SLIT2: variants seen among roughly 807,000 people sequenced by gnomAD.
SLIT2 encodes the protein slit guidance ligand 2, also known as slit homolog 2 protein.
In SLIT2, 41 loss-of-function variants were observed where a neutral mutation model predicts 185.7. The ratio of observed to expected loss-of-function variants is 0.22; its 90% CI spans 0.17 to 0.29. SLIT2 has a LOEUF of 0.29. Ranked by LOEUF, SLIT2 falls within the 10% of genes least tolerant of loss-of-function variation. SLIT2 has a pLI of 1.00. For synonymous variants in SLIT2, 693 were observed against 680.2 expected, an observed-to-expected ratio of 1.02 and a Z score of -0.29; for missense variants, 1,571 against 1,909.0, an observed-to-expected ratio of 0.82 and a Z score of 3.30.
At position 20,532,641 on chromosome 4, in the gene SLIT2, G is replaced by A. The variant is rs766435674; in HGVS notation, c.1688+583G>A. On this transcript the variant is annotated intron_variant, in intron 17 of 36. Transcript: ENST00000504154. ...GTCAATAGCATGGGACCAATGGAGC[G>A]CCCTCACACATGCAGAAACATCAGC... Among the ~76,000 whole-genome samples the A allele has an allele frequency of 9.2e-5, 14 of 152,106 alleles. No individual in the cohort carries two copies. In the South Asian group the frequency reaches 1.0e-3, roughly 11 times the overall value.
chr4:20,358,892 G>A, intron 4 of SLIT2, among the ~76,000 whole-genome samples: 1 of 152,094 alleles, frequency 6.6e-6, no homozygotes, highest in East Asian at 1.9e-4. Context: ...TTCACTGTGT[G>A]AAACAACAAC....
At chr4:20,365,269 T>C (rs1346917241) in intron 4 of SLIT2, among the ~76,000 whole-genome samples, 1 of 152,124 alleles carries the variant, frequency 6.6e-6, no homozygotes, top group Non-Finnish European at 1.5e-5. Context: ...ACAACCCTGC[T>C]GTTGGTGTTG....
At chr4:20,473,846 C>T (rs1715823318) in intron 5 of SLIT2, among the ~76,000 whole-genome samples, 1 of 151,990 alleles carries the variant, frequency 6.6e-6, no homozygotes, top group African/African-American at 2.4e-5. Flanking sequence ...TTTTACCAGG[C>T]AAATGCAAGA....
chr4:20,518,576 T>TATATATATATATAC (rs1720493386), intron 11 of SLIT2, among the ~76,000 whole-genome samples: 2 of 23,964 alleles, frequency 8.3e-5, no homozygotes, highest in Non-Finnish European at 1.5e-4. Context: ...TATATATATA[T>TATATATATATATAC]ATATATATAT....
chr4:20,449,119 A>G (rs1712175127), intron 4 of SLIT2, among the ~76,000 whole-genome samples: 1 of 152,124 alleles, frequency 6.6e-6, no homozygotes, highest in Non-Finnish European at 1.5e-5. Flanking sequence ...TACTACTACC[A>G]ATTAAAAACA....
chr4:20,484,546 G>A lies in SLIT2; in HGVS notation c.540-1654G>A, dbSNP rs1717021315. Among the ~76,000 whole-genome samples, 1 of 151,974 alleles carries A rather than the reference G, an allele frequency of 6.6e-6. No homozygotes were observed. Among genetic ancestry groups the A allele is most frequent in the South Asian group, 2.1e-4 (1 of 4,818 alleles). ...TAAAGAGGGTCCATGCATGATCTGG[G>A]TCTCTAGCTGACATGCCCTGTTTTA... On this transcript the variant is annotated intron_variant, in intron 6 of 36. Transcript: ENST00000504154. This position sits in a 1 kb window ranked among gnomAD's most constrained non-coding sequence, Gnocchi z 4.3.
At chr4:20,517,234 A>G (rs1354077618) in intron 11 of SLIT2, among the ~76,000 whole-genome samples, 2 of 152,190 alleles carry the variant, frequency 1.3e-5, no homozygotes, top group Non-Finnish European at 2.9e-5. Flanking sequence ...TCTCAGTCAT[A>G]TCAGTGCCTG....
At chr4:20,319,990 A>G (rs1436468313) in intron 4 of SLIT2, among the ~76,000 whole-genome samples, 2 of 152,068 alleles carry the variant, frequency 1.3e-5, no homozygotes, top group East Asian at 1.9e-4. Context: ...AGCTGTCCTG[A>G]TCCTCATCAG....
chr4:20,319,820 AAC>A, intron 4 of SLIT2, among the ~76,000 whole-genome samples: 1 of 151,870 alleles, frequency 6.6e-6, no homozygotes, highest in Admixed American at 6.6e-5. Flanking sequence ...ACAAAAAAAA[AAC>A]AAAAACCATA....
At chr4:20,423,487 T>A (rs1728317502) in intron 4 of SLIT2, among the ~76,000 whole-genome samples, 1 of 149,760 alleles carries the variant, frequency 6.7e-6, no homozygotes, top group African/African-American at 2.5e-5. Flanking sequence ...AATACAAAGT[T>A]TAACATGTTT....
In SLIT2 at chr4:20,332,966, G is replaced by A. The variant is rs1445487591; in HGVS notation, c.395+64085G>A. 2.6e-5 allele frequency among the ~76,000 whole-genome samples: 4 copies of A among 152,040 alleles called. No individual in the cohort carries two copies. The South Asian group carries it at 8.3e-4, about 32-fold the overall frequency. The stretch of plus-strand genomic sequence containing the variant: ...TATTATTTTCTATTTTTAAAAGAAA[G>A]GACATAATATTTTCTGCAGAAATAT... On this transcript the variant is annotated intron_variant, in intron 4 of 36. Transcript: ENST00000504154.
At chr4:20,535,519 A>G (rs1468384572) in intron 18 of SLIT2, among the ~76,000 whole-genome samples, 1 of 152,062 alleles carries the variant, frequency 6.6e-6, no homozygotes, top group Non-Finnish European at 1.5e-5. Flanking sequence ...GGAAGGCGGT[A>G]GGCTGTAACT....
At chr4:20,510,961 C>CT in intron 10 of SLIT2, 105 bp from the exon 11 acceptor site, 5 of 680,506 alleles carry the variant, frequency 7.3e-6, no homozygotes, top group Non-Finnish European at 1.3e-5. Context: ...TTGGACATGT[C>CT]TTGATAAGTA....
At chr4:20,334,594 C>T (rs764490809) in intron 4 of SLIT2, among the ~76,000 whole-genome samples, 1 of 152,114 alleles carries the variant, frequency 6.6e-6, no homozygotes, top group Non-Finnish European at 1.5e-5. Flanking sequence ...TAAATCATTT[C>T]TGTTTTGTCT....
At chr4:20,320,474 A>G (rs573552417) in intron 4 of SLIT2, among the ~76,000 whole-genome samples, 1 of 152,090 alleles carries the variant, frequency 6.6e-6, no homozygotes, top group East Asian at 1.9e-4. Context: ...AATTGTACTG[A>G]ACTTGTCTTC....
chr4:20,539,685 G>A, intron 19 of SLIT2, 101 bp downstream of exon 19: 1 of 795,448 alleles, frequency 1.3e-6, no homozygotes, highest in Non-Finnish European at 1.8e-6. Context: ...TGTGATCAAG[G>A]GTTTTAGGAC....
chr4:20,382,924 CA>C (rs1421059662), intron 4 of SLIT2, among the ~76,000 whole-genome samples: 1 of 152,102 alleles, frequency 6.6e-6, no homozygotes, highest in African/African-American at 2.4e-5. Flanking sequence ...GTACTCTACA[CA>C]GTGTGGCTCT....
chr4:20,348,550 G>A (rs1487032842), intron 4 of SLIT2, among the ~76,000 whole-genome samples: 1 of 152,006 alleles, frequency 6.6e-6, no homozygotes, highest in Admixed American at 6.6e-5. Flanking sequence ...CACCCGGCCT[G>A]ACTCACATTT....
chr4:20,283,978 G>A (rs1306880119), intron 4 of SLIT2, among the ~76,000 whole-genome samples: 1 of 151,992 alleles, frequency 6.6e-6, no homozygotes, highest in Non-Finnish European at 1.5e-5. Flanking sequence ...TGCTTATGTT[G>A]TCTTTCAATT....
Sources: allele counts gnomAD v4.1 joint callset (sites outside exome capture counted in the v4.1 genomes callset), GRCh38; gene constraint gnomAD v4.1.1; non-coding constraint Gnocchi (gnomAD v3.1); transcripts MANE v1.5; gene names NCBI Gene and HGNC (gene_info 2026-07-23, HGNC 2026-07-21).